Variants in LRRC4C observed in about 807,000 individuals in gnomAD.
LRRC4C encodes the protein leucine rich repeat containing 4C.
LRRC4C carries 5 observed loss-of-function variants against 33.6 expected under a neutral mutation model. That is an observed-to-expected ratio of 0.15 (90% CI 0.08 to 0.31). The LOEUF is 0.31. LRRC4C is among the 10% of genes least tolerant of loss of function. The pLI is 1.00. For synonymous variants in LRRC4C, 329 were observed against 302.0 expected (o/e 1.09, Z -0.93); for missense variants, 560 against 796.7 (o/e 0.70, Z 3.58).
intron 4 of LRRC4C, among the ~76,000 whole-genome samples, chr11:40,296,281 C>G (rs907316733): frequency 2.0e-5 from 3 of 152,136 alleles, no homozygotes; most frequent in African/African-American, 4.8e-5. Context: ...CGTCACATGG[C>G]TTTCATTTTT....
intron 2 of LRRC4C, among the ~76,000 whole-genome samples, chr11:40,834,503 C>A (rs1477495859): frequency 6.6e-6 from 1 of 151,040 alleles, no homozygotes; most frequent in East Asian, 1.9e-4. Flanking sequence ...TATTTTATAT[C>A]TCTTGAAATC....
At chr11:40,444,414 G>T (rs1467849907) in intron 3 of LRRC4C, among the ~76,000 whole-genome samples, 1 of 147,254 alleles carries the variant, frequency 6.8e-6, no homozygotes, top group Non-Finnish European at 1.5e-5. Context: ...GGGTACATGT[G>T]CACATGATCT....
chr11:41,051,713 T>C (rs1309518219), intron 1 of LRRC4C, among the ~76,000 whole-genome samples: 2 of 152,202 alleles, frequency 1.3e-5, no homozygotes, highest in African/African-American at 2.4e-5. Context: ...CTTTTCTAGT[T>C]GCATTTTTCT....
chr11:41,042,688 G>A (rs1857511694), intron 1 of LRRC4C, among the ~76,000 whole-genome samples: 1 of 152,016 alleles, frequency 6.6e-6, no homozygotes, highest in African/African-American at 2.4e-5. Flanking sequence ...TTTGCTAATG[G>A]GCAATACAAT....
At chr11:41,237,236 T>C (rs981052610) in intron 1 of LRRC4C, among the ~76,000 whole-genome samples, 5 of 152,328 alleles carry the variant, frequency 3.3e-5, no homozygotes, top group Non-Finnish European at 5.9e-5. Flanking sequence ...GTTACTGTTT[T>C]CTCACCTTGA....
intron 1 of LRRC4C, among the ~76,000 whole-genome samples, chr11:41,449,487 C>T (rs1250788624): frequency 1.3e-5 from 2 of 151,970 alleles, no homozygotes; most frequent in East Asian, 3.9e-4. Context: ...AAAAAATGTC[C>T]CTATATTCTG....
chr11:40,974,978 G>T (rs11036165), intron 1 of LRRC4C, among the ~76,000 whole-genome samples: 35,314 of 151,986 alleles, frequency 0.23, 4,488 homozygotes, highest in Middle Eastern at 0.32. Context: ...TGGTTTTGAG[G>T]TGTCTCAACT....
At chr11:40,463,339 T>C (rs1272883090) in intron 3 of LRRC4C, among the ~76,000 whole-genome samples, 1 of 150,596 alleles carries the variant, frequency 6.6e-6, no homozygotes, top group East Asian at 1.9e-4. Flanking sequence ...TGTGTGTGTG[T>C]GTGTGGTTAA....
At chr11:41,207,580 C>A (rs1946651961) in intron 1 of LRRC4C, among the ~76,000 whole-genome samples, 1 of 151,990 alleles carries the variant, frequency 6.6e-6, no homozygotes, top group Non-Finnish European at 1.5e-5. Flanking sequence ...CCCTCCCACC[C>A]ATCTCCTCCA....
At chr11:41,053,555 T>C (rs1053156523) in intron 1 of LRRC4C, among the ~76,000 whole-genome samples, 74 of 152,118 alleles carry the variant, frequency 4.9e-4, no homozygotes, top group African/African-American at 1.7e-3. Context: ...GTAGGGAAAC[T>C]GTGAGATAAT....
intron 1 of LRRC4C, among the ~76,000 whole-genome samples, chr11:41,044,102 G>A (rs1301488062): frequency 6.6e-6 from 1 of 152,076 alleles, no homozygotes; most frequent in Non-Finnish European, 1.5e-5. Context: ...TGATATATTA[G>A]AAGCCAAATT....
chr11:40,488,230 G>A (rs1453799724), intron 3 of LRRC4C, among the ~76,000 whole-genome samples: 3 of 152,028 alleles, frequency 2.0e-5, no homozygotes, highest in African/African-American at 7.2e-5. Flanking sequence ...CAATTCTTCT[G>A]GCTTAACTCA....
At chr11:40,215,151 G>A (rs1863884734) in intron 5 of LRRC4C, among the ~76,000 whole-genome samples, 1 of 152,046 alleles carries the variant, frequency 6.6e-6, no homozygotes, top group African/African-American at 2.4e-5. Flanking sequence ...TCCACTACCA[G>A]CATCCCAATT....
intron 3 of LRRC4C, among the ~76,000 whole-genome samples, chr11:40,350,594 T>C (rs1411755091): frequency 1.3e-5 from 2 of 152,094 alleles, no homozygotes; most frequent in Non-Finnish European, 2.9e-5. Flanking sequence ...TGTTTCCATA[T>C]AAATTTTAGA....
At chr11:40,501,495 C>T (rs1402554714) in intron 3 of LRRC4C, among the ~76,000 whole-genome samples, 1 of 152,210 alleles carries the variant, frequency 6.6e-6, no homozygotes, top group East Asian at 1.9e-4. Context: ...AAGCAGAGGT[C>T]CCCAAACCTC....
rs1953340006 is a variant in LRRC4C, at chr11:40,478,097, G to GT, written c.-269-158377dup. Among the ~76,000 whole-genome samples, 4 of 152,254 alleles carry GT rather than the reference G, an allele frequency of 2.6e-5. No homozygotes were observed. The South Asian group carries it at 6.2e-4, about 24-fold the overall frequency. On this transcript the variant is annotated intron_variant, in intron 3 of 6. Coordinates refer to ENST00000528697, the MANE Select transcript of LRRC4C (RefSeq NM_001258419.2). ...GAGGCCTTTCCAGCCACGTGGAACTGTAAGTCCATTAAGTCTCTTTCTTTT... is the reference window on the plus strand; with the variant it reads ...GAGGCCTTTCCAGCCACGTGGAACTGTTAAGTCCATTAAGTCTCTTTCTTTT...
chr11:40,301,486 C>T (rs1393791063), intron 4 of LRRC4C, among the ~76,000 whole-genome samples: 4 of 152,192 alleles, frequency 2.6e-5, no homozygotes, highest in African/African-American at 7.2e-5. Context: ...GGGAAGACAG[C>T]TGCATTTTAT....
intron 3 of LRRC4C, among the ~76,000 whole-genome samples, chr11:40,579,681 CAAGCTGGCTCTCCAAGCCAAA>C (rs1958379973): frequency 6.6e-6 from 1 of 152,126 alleles, no homozygotes; most frequent in Non-Finnish European, 1.5e-5. Context: ...CGTGTTTGTA[CAAGCTGGCTCTCCAAGCCAAA>C]AAGGAATCAC....
chr11:40,513,457 G>A (rs1378707350), intron 3 of LRRC4C, among the ~76,000 whole-genome samples: 1 of 152,056 alleles, frequency 6.6e-6, no homozygotes, highest in Non-Finnish European at 1.5e-5. Context: ...TCACACAAAT[G>A]CAAGCCCTAG....
Sources: allele counts gnomAD v4.1 joint callset (sites outside exome capture counted in the v4.1 genomes callset), GRCh38; gene constraint gnomAD v4.1.1; transcripts MANE v1.5; gene names NCBI Gene and HGNC (gene_info 2026-07-23, HGNC 2026-07-21).